The following KCNMA1 variants were observed in gnomAD, a reference collection of about 807,000 sequenced individuals.
The protein encoded by KCNMA1 is potassium calcium-activated channel subfamily M alpha 1, also known as Calcium-activated potassium channel subunit alpha-1.
In KCNMA1, 29 loss-of-function variants were observed where a neutral mutation model predicts 140.0. The ratio of observed to expected loss-of-function variants is 0.21; its 90% CI spans 0.15 to 0.28. The LOEUF is 0.28. Among genes scored for constraint, KCNMA1 ranks in the 10% least tolerant of loss-of-function variants. The pLI is 1.00. For missense variants in KCNMA1, 880 were observed against 1,602.2 expected (o/e 0.55, Z 7.70); for synonymous variants, 612 against 611.9 (o/e 1.00, Z 0.00).
intron 1 of KCNMA1, among the ~76,000 whole-genome samples, chr10:77,461,228 C>CTT (rs5786288): frequency 2.8e-3 from 412 of 146,670 alleles, no homozygotes; most frequent in South Asian, 5.0e-3. Context: ...TGTACTCCCT[C>CTT]TTTTTTTTTT....
chr10:77,284,744 C>T (rs1248887747), intron 2 of KCNMA1, among the ~76,000 whole-genome samples: 1 of 152,002 alleles, frequency 6.6e-6, no homozygotes, highest in Non-Finnish European at 1.5e-5. Context: ...GAACTCCTGA[C>T]CTCAGGTGAT....
chr10:77,185,355 G>A (rs1395747052), intron 3 of KCNMA1, among the ~76,000 whole-genome samples: 1 of 151,918 alleles, frequency 6.6e-6, no homozygotes, highest in Non-Finnish European at 1.5e-5. Flanking sequence ...TTGGCAGTGG[G>A]GCCTGTTTTC....
intron 1 of KCNMA1, among the ~76,000 whole-genome samples, chr10:77,476,849 C>T (rs1680933261): frequency 1.3e-5 from 2 of 152,146 alleles, no homozygotes; most frequent in African/African-American, 4.8e-5. Context: ...GACTTATATG[C>T]CATAAATATT....
At chr10:77,084,477 A>G (rs931904436) in intron 12 of KCNMA1, among the ~76,000 whole-genome samples, 160 bp downstream of exon 12, 20 of 152,180 alleles carry the variant, frequency 1.3e-4, no homozygotes, top group African/African-American at 4.8e-4. Context: ...ACCCACACAG[A>G]CAGCCTCGGC....
intron 1 of KCNMA1, among the ~76,000 whole-genome samples, chr10:77,474,413 T>C (rs2098233456): frequency 6.6e-6 from 1 of 152,026 alleles, no homozygotes; most frequent in African/African-American, 2.4e-5. Context: ...AAAAAGACCA[T>C]GTGAAGATAC....
rs1203723696 is a variant in KCNMA1, at chr10:77,184,590, ACAT to A, written c.696+230_696+232del. Among the ~76,000 whole-genome samples the A allele has an allele frequency of 2.0e-5, 3 of 152,336 alleles. No homozygotes were observed. In the East Asian group the frequency reaches 5.8e-4, roughly 29 times the overall value. ...GATGAGAAACAATCCACCGGTGGATACATCATCATTTTTCTTCAATCCCTATTT... is the reference window on the plus strand; with the variant it reads ...GATGAGAAACAATCCACCGGTGGATACATCATTTTTCTTCAATCCCTATTT... On this transcript the variant is annotated intron_variant, in intron 4 of 27. Coordinates refer to ENST00000286628, the MANE Select transcript of KCNMA1 (RefSeq NM_001161352.2).
chr10:77,121,939 T>C (rs976105591), intron 5 of KCNMA1, among the ~76,000 whole-genome samples: 9 of 152,254 alleles, frequency 5.9e-5, no homozygotes, highest in Admixed American at 5.9e-4. Flanking sequence ...ACACATTGAA[T>C]GTCACACCCA....
chr10:77,636,337 T>C, intron 1 of KCNMA1: 1 of 1,527,390 alleles, frequency 6.5e-7, no homozygotes, highest in South Asian at 1.2e-5. Flanking sequence ...CAACCATACA[T>C]CGAAGGTGTC....
At chr10:77,620,487 A>G (rs755630232) in intron 1 of KCNMA1, among the ~76,000 whole-genome samples, 7 of 152,206 alleles carry the variant, frequency 4.6e-5, no homozygotes, top group East Asian at 1.9e-4. Flanking sequence ...TGGGATACAC[A>G]TGAGCTGGCA....
At chr10:77,401,499 C>A (rs2096265173) in intron 2 of KCNMA1, among the ~76,000 whole-genome samples, 1 of 152,178 alleles carries the variant, frequency 6.6e-6, no homozygotes, top group Non-Finnish European at 1.5e-5. Flanking sequence ...CAGGCTGTCT[C>A]CAGGACACTT....
chr10:77,083,536 C>G (rs908099619), intron 12 of KCNMA1, among the ~76,000 whole-genome samples: 5 of 131,324 alleles, frequency 3.8e-5, no homozygotes, highest in Non-Finnish European at 8.7e-5. Context: ...GAGGGCAGGG[C>G]AGGGCAGGGC....
intron 2 of KCNMA1, among the ~76,000 whole-genome samples, chr10:77,261,036 A>G (rs1416385008): frequency 6.6e-6 from 1 of 152,130 alleles, no homozygotes; most frequent in Non-Finnish European, 1.5e-5. Context: ...CTCTAATCAG[A>G]AAGACCGGGT....
chr10:77,154,392 G>T (rs999905385), intron 5 of KCNMA1, among the ~76,000 whole-genome samples: 1 of 152,166 alleles, frequency 6.6e-6, no homozygotes, highest in African/African-American at 2.4e-5. Context: ...GCACTGTGCA[G>T]CCACCAACTA....
chr10:77,621,387 G>A (rs1028760891), intron 1 of KCNMA1, among the ~76,000 whole-genome samples: 1 of 152,138 alleles, frequency 6.6e-6, no homozygotes, highest in Admixed American at 6.6e-5. Context: ...CATATCTCAT[G>A]TGGGATAATA....
At chr10:77,351,797 T>C (rs1025931561) in intron 2 of KCNMA1, among the ~76,000 whole-genome samples, 1 of 152,234 alleles carries the variant, frequency 6.6e-6, no homozygotes, top group African/African-American at 2.4e-5. Context: ...GAGTAACCCA[T>C]TGATATTTAA....
intron 2 of KCNMA1, among the ~76,000 whole-genome samples, chr10:77,380,069 T>C (rs1210336114): frequency 6.6e-6 from 1 of 152,148 alleles, no homozygotes; most frequent in Non-Finnish European, 1.5e-5. Flanking sequence ...CATTATTAGT[T>C]GGGGTTACAA....
chr10:76,982,278 C>T (rs775023611), intron 19 of KCNMA1, among the ~76,000 whole-genome samples: 12 of 148,462 alleles, frequency 8.1e-5, no homozygotes, highest in Non-Finnish European at 3.0e-5. Context: ...GGGAGGGCTA[C>T]ATGAAATGTC....
intron 2 of KCNMA1, among the ~76,000 whole-genome samples, chr10:77,286,501 C>T (rs1012614304): frequency 2.0e-5 from 3 of 152,312 alleles, no homozygotes; most frequent in South Asian, 2.1e-4. Context: ...CCATCTCTCA[C>T]GTTGTTATCT....
intron 25 of KCNMA1, among the ~76,000 whole-genome samples, chr10:76,898,481 T>C (rs1305510869): frequency 6.6e-6 from 1 of 151,728 alleles, no homozygotes; most frequent in Non-Finnish European, 1.5e-5. Context: ...GTTGATTTAG[T>C]GTATTTTTAC....
Sources: gnomAD v4.1 joint callset for allele counts (sites outside exome capture counted in the v4.1 genomes callset) on GRCh38, gnomAD v4.1.1 for gene constraint, MANE v1.5 for transcripts, NCBI Gene and HGNC (gene_info 2026-07-23, HGNC 2026-07-21) for gene names.